The following RBFOX1 variants were observed in gnomAD, a reference collection of about 807,000 sequenced individuals.
The protein encoded by RBFOX1 is RNA binding fox-1 homolog 1.
RBFOX1 carries 8 observed loss-of-function variants against 57.7 expected under a neutral mutation model. The observed-to-expected ratio is 0.14, with a 90% CI of 0.08 to 0.25. RBFOX1 has a LOEUF of 0.25. RBFOX1 is among the 10% of genes least tolerant of loss of function. The probability of loss-of-function intolerance (pLI) is 1.00; values close to 1 mark genes in which losing one functional copy is unlikely to be tolerated. For synonymous variants in RBFOX1, 326 were observed against 222.4 expected, an observed-to-expected ratio of 1.47 and a Z score of -4.15; for missense variants, 611 against 548.5, an observed-to-expected ratio of 1.11 and a Z score of -1.14.
chr16:5,869,101 C>A (rs1195124310), intron 4 of RBFOX1, among the ~76,000 whole-genome samples: 1 of 152,066 alleles, frequency 6.6e-6, no homozygotes. Context: ...AATTCATAAC[C>A]ATGTCTGGCA....
chr16:7,443,946 T>C (rs1251073166), intron 4 of RBFOX1, among the ~76,000 whole-genome samples: 2 of 152,198 alleles, frequency 1.3e-5, no homozygotes, highest in African/African-American at 4.8e-5. Flanking sequence ...TTCCTTTCTC[T>C]GGGAGAAACC....
At chr16:7,192,761 C>A (rs541825616) in intron 4 of RBFOX1, among the ~76,000 whole-genome samples, 24 of 152,224 alleles carry the variant, frequency 1.6e-4, no homozygotes, top group African/African-American at 5.8e-4. Flanking sequence ...ATTATTTTTG[C>A]AATCTTTCTG....
rs372943794 is a variant in RBFOX1 at position 5,412,568 on chromosome 16, G to A, written c.220-54648G>A. ...TGCAGGTCATTACAGTGGGATGGGC[G>A]TGAAGACTCCCCTGGAAGGGTTTAG... On this transcript the variant is annotated intron_variant, in intron 1 of 2. Coordinates refer to the RBFOX1 transcript ENST00000585867. Among the ~76,000 whole-genome samples, 20 of 152,164 alleles carry A rather than the reference G, an allele frequency of 1.3e-4. 1 individual carries two copies. Among genetic ancestry groups the A allele is most frequent in the Admixed American group, 1.0e-3 (16 of 15,274 alleles).
intron 3 of RBFOX1, among the ~76,000 whole-genome samples, chr16:5,684,243 CTT>C (rs1170386514): frequency 6.6e-6 from 1 of 152,108 alleles, no homozygotes; most frequent in Non-Finnish European, 1.5e-5. Flanking sequence ...GGTATGCTCT[CTT>C]TGCAGAACAA....
intron 3 of RBFOX1, among the ~76,000 whole-genome samples, chr16:5,640,367 A>C (rs2048818973): frequency 6.6e-6 from 1 of 152,218 alleles, no homozygotes; most frequent in Non-Finnish European, 1.5e-5. Context: ...GCATGTATGC[A>C]CATGTACATC....
At chr16:6,343,194 A>G (rs1047396665) in intron 2 of RBFOX1, among the ~76,000 whole-genome samples, 3 of 152,088 alleles carry the variant, frequency 2.0e-5, no homozygotes, top group African/African-American at 7.2e-5. Flanking sequence ...TCGGGGAAAA[A>G]TGGCTTTTCA....
At chr16:5,544,948 AT>A (rs1229178204) in intron 2 of RBFOX1, among the ~76,000 whole-genome samples, 5 of 112,712 alleles carry the variant, frequency 4.4e-5, no homozygotes, top group Non-Finnish European at 9.3e-5. Flanking sequence ...TTACTATTAC[AT>A]TCTTTTTTTT....
intron 1 of RBFOX1, among the ~76,000 whole-genome samples, chr16:6,243,023 A>C (rs1475300716): frequency 6.6e-6 from 1 of 152,178 alleles, no homozygotes; most frequent in Non-Finnish European, 1.5e-5. Context: ...GGGGTTTCTG[A>C]ATTGTAAGAG....
intron 4 of RBFOX1, among the ~76,000 whole-genome samples, chr16:7,054,669 A>ATTAGAAATCTGTTTAG (rs1471612037): frequency 1.3e-5 from 2 of 152,050 alleles, no homozygotes; most frequent in Non-Finnish European, 2.9e-5. Flanking sequence ...GTGGAAGAAA[A>ATTAGAAATCTGTTTAG]TTAGAAATCT....
chr16:5,868,084 A>G (rs1353633081), intron 4 of RBFOX1, among the ~76,000 whole-genome samples: 1 of 152,222 alleles, frequency 6.6e-6, no homozygotes, highest in Non-Finnish European at 1.5e-5. Flanking sequence ...TAGGTAAAGA[A>G]TAAAAAACGA....
chr16:6,664,955 C>T (rs1196755103), intron 3 of RBFOX1, among the ~76,000 whole-genome samples: 3 of 152,174 alleles, frequency 2.0e-5, no homozygotes, highest in East Asian at 1.9e-4. Flanking sequence ...GTTTGTAAAT[C>T]ATGCATCCCA....
In RBFOX1 at chr16:5,717,766, A is replaced by T. The variant is rs186564215; in HGVS notation, c.318+118805A>T. On this transcript the variant is annotated intron_variant, in intron 3 of 19. Transcript: ENST00000641259. ...CCAATAACAATAATTCTTGTTTGCA[A>T]GAAGATTTGGTACTATTCGGAGGGC... Among the ~76,000 whole-genome samples, 3 of 152,336 alleles carry T rather than the reference A, an allele frequency of 2.0e-5. No homozygotes were observed. The East Asian group carries it at 5.8e-4, about 29-fold the overall frequency.
intron 14 of RBFOX1, among the ~76,000 whole-genome samples, chr16:7,683,327 G>GAGACAGAC (rs374885029): frequency 6.6e-6 from 1 of 151,510 alleles, no homozygotes; most frequent in Admixed American, 6.6e-5. Context: ...CACACACACA[G>GAGACAGAC]AGACAGACAG....
At chr16:7,000,539 T>G (rs1430702858) in intron 3 of RBFOX1, among the ~76,000 whole-genome samples, 1 of 151,928 alleles carries the variant, frequency 6.6e-6, no homozygotes, top group African/African-American at 2.4e-5. Flanking sequence ...TGTTCAATTT[T>G]GCTTTTGGCA....
intron 4 of RBFOX1, among the ~76,000 whole-genome samples, chr16:7,235,440 G>A (rs563606175): frequency 5.9e-5 from 9 of 152,316 alleles, no homozygotes; most frequent in South Asian, 2.1e-4. Flanking sequence ...TCACAAACCA[G>A]TTTAGATGAG....
chr16:5,972,716 G>A (rs2059987259), intron 4 of RBFOX1, among the ~76,000 whole-genome samples: 1 of 152,148 alleles, frequency 6.6e-6, no homozygotes, highest in Non-Finnish European at 1.5e-5. Flanking sequence ...CTCATGGTGG[G>A]GCTCTGGCAG....
At chr16:6,010,859 T>A (rs34032800) in intron 4 of RBFOX1, among the ~76,000 whole-genome samples, 1 of 152,236 alleles carries the variant, frequency 6.6e-6, no homozygotes, top group South Asian at 2.1e-4. Flanking sequence ...TTTTTTTCTT[T>A]AGTGGTTCAT....
intron 4 of RBFOX1, among the ~76,000 whole-genome samples, chr16:7,480,423 T>C (rs1388466873): frequency 1.3e-5 from 2 of 152,222 alleles, no homozygotes; most frequent in African/African-American, 2.4e-5. Flanking sequence ...ATTTCTCGTT[T>C]CCACAAATGA....
intron 2 of RBFOX1, among the ~76,000 whole-genome samples, chr16:6,344,583 G>C (rs1291458440): frequency 6.6e-6 from 1 of 150,560 alleles, no homozygotes; most frequent in Non-Finnish European, 1.5e-5. Flanking sequence ...ATTTTTAGTA[G>C]AGACGGCGTT....
Sources: allele counts gnomAD v4.1 joint callset (sites outside exome capture counted in the v4.1 genomes callset), GRCh38; gene constraint gnomAD v4.1.1; transcripts MANE v1.5; gene names NCBI Gene and HGNC (gene_info 2026-07-23, HGNC 2026-07-21).